The following SPMIP7 variants were observed in gnomAD, a reference collection of about 807,000 sequenced individuals.
SPMIP7 encodes protein SPMIP7.
chr7:50,114,328 T>C, the SPMIP7 span, among the ~76,000 whole-genome samples: 4 of 152,140 alleles, frequency 2.6e-5, no homozygotes, highest in African/African-American at 9.7e-5. Context: ...TTCAGGTTTA[T>C]AGCATATAAA....
chr7:50,096,723 A>C, the SPMIP7 span: 1 of 1,020,444 alleles, frequency 9.8e-7, no homozygotes, highest in Admixed American at 3.2e-5. Flanking sequence ...TAGGCAGTTA[A>C]ATTAACAAAA....
At chr7:50,111,618 A>G in the SPMIP7 span, among the ~76,000 whole-genome samples, 1 of 152,138 alleles carries the variant, frequency 6.6e-6, no homozygotes, top group African/African-American at 2.4e-5. Flanking sequence ...ATACTTATCT[A>G]TGTTTACAGC....
the SPMIP7 span, chr7:50,158,935 G>GC: frequency 2.3e-3 from 2,531 of 1,105,514 alleles, 40 homozygotes; most frequent in African/African-American, 0.029. Flanking sequence ...TGCCTGCAGT[G>GC]CGCGCTCCCC....
chr7:50,139,193 G>A, the SPMIP7 span, among the ~76,000 whole-genome samples: 3 of 151,648 alleles, frequency 2.0e-5, no homozygotes, highest in Non-Finnish European at 4.4e-5. Context: ...TACTAAAACT[G>A]CAAAAATTAG....
chr7:50,116,970 G>A, the SPMIP7 span, among the ~76,000 whole-genome samples: 1 of 152,306 alleles, frequency 6.6e-6, no homozygotes, highest in East Asian at 1.9e-4. Context: ...ACTACTCAAA[G>A]CTTTTCCTGA....
the SPMIP7 span, among the ~76,000 whole-genome samples, chr7:50,154,337 G>C: frequency 6.6e-6 from 1 of 152,168 alleles, no homozygotes; most frequent in African/African-American, 2.4e-5. Flanking sequence ...TATGTCTCAG[G>C]CTTGTTTCTC....
chr7:50,104,137 G>A, the SPMIP7 span, among the ~76,000 whole-genome samples: 47 of 152,086 alleles, frequency 3.1e-4, no homozygotes, highest in Admixed American at 6.6e-4. Context: ...GGCTCACATA[G>A]AAATTCCAGA....
chr7:50,156,287 G>A, the SPMIP7 span, among the ~76,000 whole-genome samples: 3 of 151,290 alleles, frequency 2.0e-5, no homozygotes, highest in Admixed American at 6.6e-5. Context: ...TATGAGCCTT[G>A]ATCTCTCTCT....
At chr7:50,139,412 T>C in the SPMIP7 span, among the ~76,000 whole-genome samples, 1 of 152,050 alleles carries the variant, frequency 6.6e-6, no homozygotes, top group Non-Finnish European at 1.5e-5. Context: ...TGATGATAAT[T>C]CCATTTGAAT....
At chr7:50,149,449 T>C in the SPMIP7 span, among the ~76,000 whole-genome samples, 1 of 152,234 alleles carries the variant, frequency 6.6e-6, no homozygotes, top group Non-Finnish European at 1.5e-5. Context: ...AGTGTTGTCC[T>C]CTTCATGCTG....
At chr7:50,141,822 T>A in the SPMIP7 span, 1 of 141,646 alleles carries the variant, frequency 7.1e-6, no homozygotes, top group Non-Finnish European at 1.5e-5. Flanking sequence ...CACCGCCTCC[T>A]GGATTCACGC....
At chr7:50,145,622 A>ATG in the SPMIP7 span, among the ~76,000 whole-genome samples, 1,163 of 58,376 alleles carry the variant, frequency 0.02, 120 homozygotes, top group African/African-American at 0.06. Flanking sequence ...GTGTGTGTAT[A>ATG]TATATATATA....
chr7:50,096,209 C>G, the SPMIP7 span: 41 of 1,551,606 alleles, frequency 2.6e-5, no homozygotes, highest in Non-Finnish European at 3.2e-5. Flanking sequence ...AATGAACATG[C>G]CTTTTGTGAA....
chr7:50,098,909 C>A, the SPMIP7 span, among the ~76,000 whole-genome samples: 1 of 152,136 alleles, frequency 6.6e-6, no homozygotes, highest in Non-Finnish European at 1.5e-5. Context: ...TCATACTGTG[C>A]AAATATCACC....
the SPMIP7 span, among the ~76,000 whole-genome samples, chr7:50,107,386 G>GAAAAAAA: frequency 4.2e-5 from 2 of 47,350 alleles, no homozygotes; most frequent in African/African-American, 8.5e-5. Context: ...AAAAAAAAAA[G>GAAAAAAA]AAAAGAAAAG....
chr7:50,159,256 G>A, the SPMIP7 span: 17 of 1,421,298 alleles, frequency 1.2e-5, no homozygotes, highest in African/African-American at 2.4e-4. Flanking sequence ...TCTCCGCGCT[G>A]CGCAGTGTGG....
chr7:50,152,352 A>T, the SPMIP7 span, among the ~76,000 whole-genome samples: 3 of 152,218 alleles, frequency 2.0e-5, no homozygotes, highest in Admixed American at 1.3e-4. Context: ...CTAAAAAAAA[A>T]ATCCCAGAAA....
chr7:50,125,171 C>CACATATATACACATATATAT, the SPMIP7 span, among the ~76,000 whole-genome samples: 6 of 53,330 alleles, frequency 1.1e-4, no homozygotes, highest in African/African-American at 4.9e-4. Context: ...CACATATATA[C>CACATATATACACATATATAT]ACATATATAT....
the SPMIP7 span, among the ~76,000 whole-genome samples, chr7:50,144,253 T>C: frequency 6.6e-6 from 1 of 152,204 alleles, no homozygotes; most frequent in Admixed American, 6.5e-5. Context: ...TCAGATATTT[T>C]TGAAGTGTAG....
Sources: allele counts gnomAD v4.1 joint callset (sites outside exome capture counted in the v4.1 genomes callset), GRCh38; gene constraint gnomAD v4.1.1; transcripts MANE v1.5; gene names NCBI Gene and HGNC (gene_info 2026-07-23, HGNC 2026-07-21).